Variants in ITGA9 observed in about 807,000 individuals in gnomAD.
ITGA9 encodes the protein integrin alpha-9.
In ITGA9, 56 loss-of-function variants were observed where a neutral mutation model predicts 127.8. That is an observed-to-expected ratio of 0.44 (90% CI 0.35 to 0.55). ITGA9 has a LOEUF of 0.55. Among genes scored for constraint, ITGA9 ranks in the 20% least tolerant of loss-of-function variants. ITGA9 has a pLI of 0.00. For synonymous variants in ITGA9, 508 were observed against 514.5 expected, an observed-to-expected ratio of 0.99 and a Z score of 0.17; for missense variants, 1,196 against 1,347.1, an observed-to-expected ratio of 0.89 and a Z score of 1.76.
intron 17 of ITGA9, among the ~76,000 whole-genome samples, chr3:37,673,597 G>A (rs1004720075): frequency 1.3e-5 from 2 of 152,206 alleles, no homozygotes; most frequent in African/African-American, 4.8e-5. Context: ...CTCTAAGGGT[G>A]TCAGCAGTTG....
At chr3:37,747,548 C>T (rs1696517404) in intron 22 of ITGA9, among the ~76,000 whole-genome samples, 1 of 150,144 alleles carries the variant, frequency 6.7e-6, no homozygotes, top group African/African-American at 2.5e-5. Context: ...GCCATCCCCC[C>T]ATTATCCTTC....
intron 18 of ITGA9, among the ~76,000 whole-genome samples, chr3:37,719,688 C>A (rs1240726405): frequency 6.6e-6 from 1 of 152,078 alleles, no homozygotes; most frequent in Non-Finnish European, 1.5e-5. Flanking sequence ...GTTAACGTCC[C>A]CAGTACAGTT....
In ITGA9 at chr3:37,598,616, A is replaced by G. The variant is rs74886294; in HGVS notation, c.1690-30571A>G. Among the ~76,000 whole-genome samples the G allele has an allele frequency of 3.5e-3, 528 of 152,248 alleles. 2 individuals carry two copies. Among genetic ancestry groups the G allele is most frequent in the Middle Eastern group, 0.017 (5 of 294 alleles). On this transcript the variant is annotated intron_variant, in intron 15 of 27. Coordinates refer to ENST00000264741, the MANE Select transcript of ITGA9 (RefSeq NM_002207.3). Reference sequence around the variant, plus strand: ...AGGTCAAGATTGGCTGGCCAGGGGTATTAGCCCTGAGATACACTGCTGCTC... The same window carrying G: ...AGGTCAAGATTGGCTGGCCAGGGGTGTTAGCCCTGAGATACACTGCTGCTC...
At chr3:37,524,918 G>A (rs1363555440) in intron 12 of ITGA9, among the ~76,000 whole-genome samples, 1 of 152,196 alleles carries the variant, frequency 6.6e-6, no homozygotes, top group Non-Finnish European at 1.5e-5. Flanking sequence ...TAAACATATA[G>A]CAAATTTAAA....
chr3:37,811,984 G>A (rs1252339738), intron 27 of ITGA9, among the ~76,000 whole-genome samples: 1 of 152,238 alleles, frequency 6.6e-6, no homozygotes, highest in East Asian at 1.9e-4. Context: ...AAACAAATCT[G>A]TGAAATGGCT....
chr3:37,569,861 A>G (rs1699583983), intron 15 of ITGA9, among the ~76,000 whole-genome samples: 1 of 152,244 alleles, frequency 6.6e-6, no homozygotes, highest in South Asian at 2.1e-4. Flanking sequence ...CCATCCTCAA[A>G]GTATCTCTTT....
intron 20 of ITGA9, among the ~76,000 whole-genome samples, chr3:37,737,404 C>T (rs1575214384): frequency 2.0e-5 from 3 of 152,222 alleles, no homozygotes; most frequent in Admixed American, 2.0e-4. Context: ...GGGCAGGTCA[C>T]CTGCAGCCTG....
intron 18 of ITGA9, among the ~76,000 whole-genome samples, chr3:37,706,865 C>G (rs1701011328): frequency 6.6e-6 from 1 of 152,166 alleles, no homozygotes; most frequent in Admixed American, 6.5e-5. Context: ...CTTCTCATGA[C>G]CACAATCAGT....
intron 15 of ITGA9, among the ~76,000 whole-genome samples, chr3:37,598,662 T>TTC (rs2125619330): frequency 6.6e-6 from 1 of 152,270 alleles, no homozygotes; most frequent in African/African-American, 2.4e-5. Context: ...TGCCCCTCAT[T>TTC]CACAAGCAGA....
At chr3:37,567,465 ACCAATCATGCCTTCCCAAC>A (rs369143904) in intron 15 of ITGA9, among the ~76,000 whole-genome samples, 8,232 of 152,082 alleles carry the variant, frequency 0.054, 307 homozygotes, top group Non-Finnish European at 0.085. Context: ...ACATTCCAAA[ACCAATCATGCCTTCCCAAC>A]AGTCCCCCAA....
intron 18 of ITGA9, among the ~76,000 whole-genome samples, chr3:37,717,415 G>T (rs1335338916): frequency 1.3e-5 from 2 of 152,166 alleles, no homozygotes; most frequent in East Asian, 3.8e-4. Context: ...TTTTCACACT[G>T]CTATAACGAA....
chr3:37,640,194 C>T (rs1007193720), intron 16 of ITGA9, among the ~76,000 whole-genome samples: 5 of 152,170 alleles, frequency 3.3e-5, no homozygotes, highest in Non-Finnish European at 7.4e-5. Context: ...AGGTGATGGA[C>T]TTCCAAATGG....
intron 18 of ITGA9, among the ~76,000 whole-genome samples, chr3:37,714,442 A>G (rs901968656): frequency 5.3e-5 from 8 of 152,174 alleles, no homozygotes; most frequent in African/African-American, 1.9e-4. Context: ...TGAGGAGTCC[A>G]CAGGTCAGGG....
intron 15 of ITGA9, among the ~76,000 whole-genome samples, chr3:37,574,057 A>G (rs1699629052): frequency 6.6e-6 from 1 of 152,214 alleles, no homozygotes; most frequent in African/African-American, 2.4e-5. Context: ...TGTACTATCT[A>G]AAAAGGGAAA....
chr3:37,664,150 G>C (rs113673625), intron 17 of ITGA9, among the ~76,000 whole-genome samples: 27 of 152,288 alleles, frequency 1.8e-4, no homozygotes, highest in African/African-American at 6.0e-4. Flanking sequence ...GGCTTCTGTT[G>C]TCTCTGGGTT....
In ITGA9 at chr3:37,542,535, C is replaced by T; in HGVS notation, c.1639C>T (p.Gln547Ter). The T allele has an allele frequency of 6.2e-7, 1 of 1,614,190 alleles. No individual in the cohort carries two copies. Among genetic ancestry groups the T allele is most frequent in the Non-Finnish European group, 8.5e-7 (1 of 1,180,036 alleles). ...CATGGGTCAGGTCACAGAGAAGCTG[C>T]AGCTGACTTACATGGAGGAGACGTG... ...ETMGQVTEKL[Q>*]LTYMEETCRH... is the part of the protein sequence containing the mutation. Residue 547 changes from glutamine (Q) to a stop codon, truncating the protein, a stop_gained, in exon 15 of 28, where the codon CAG becomes TAG. Coordinates refer to ENST00000264741, the MANE Select transcript of ITGA9 (RefSeq NM_002207.3). LOFTEE classifies it high-confidence loss of function.
At chr3:37,581,388 TG>T (rs1048622815) in intron 15 of ITGA9, among the ~76,000 whole-genome samples, 1 of 152,048 alleles carries the variant, frequency 6.6e-6, no homozygotes, top group African/African-American at 2.4e-5. Context: ...CTTGAGCGCG[TG>T]ATTGGTGAGG....
chr3:37,804,311 C>T (rs1697268784), intron 27 of ITGA9, among the ~76,000 whole-genome samples: 1 of 152,008 alleles, frequency 6.6e-6, no homozygotes, highest in Non-Finnish European at 1.5e-5. Flanking sequence ...AACAATTCTT[C>T]CTTCTTTTCC....
intron 15 of ITGA9, among the ~76,000 whole-genome samples, chr3:37,562,730 T>A (rs1039025097): frequency 2.0e-5 from 3 of 152,210 alleles, no homozygotes; most frequent in Non-Finnish European, 4.4e-5. Flanking sequence ...CTCTCCTGAA[T>A]CTGACATTTG....
Sources: allele counts gnomAD v4.1 joint callset (sites outside exome capture counted in the v4.1 genomes callset), GRCh38; gene constraint gnomAD v4.1.1; transcripts MANE v1.5; gene names NCBI Gene and HGNC (gene_info 2026-07-23, HGNC 2026-07-21).